The following ROBO2 variants were observed in gnomAD, a reference collection of about 807,000 sequenced individuals.
The protein encoded by ROBO2 is roundabout guidance receptor 2.
A neutral mutation model predicts 160.8 loss-of-function variants in ROBO2; 53 were observed. That is an observed-to-expected ratio of 0.33 (90% confidence interval 0.26 to 0.41). The LOEUF (loss-of-function observed/expected upper bound fraction) is 0.41. Ranked by LOEUF, ROBO2 falls within the 10% of genes least tolerant of loss-of-function variation. The probability of loss-of-function intolerance (pLI) is 1.00; values close to 1 mark genes in which losing one functional copy is unlikely to be tolerated. For synonymous variants in ROBO2, 664 were observed against 611.7 expected, an observed-to-expected ratio of 1.09 and a Z score of -1.26; for missense variants, 1,577 against 1,722.4, an observed-to-expected ratio of 0.92 and a Z score of 1.49.
intron 1 of ROBO2, among the ~76,000 whole-genome samples, chr3:75,923,139 GT>G (rs961372978): frequency 3.3e-5 from 5 of 151,850 alleles, no homozygotes; most frequent in Non-Finnish European, 4.4e-5. Flanking sequence ...ATAGAGGAAG[GT>G]TTTTTTTTAA....
intron 1 of ROBO2, among the ~76,000 whole-genome samples, chr3:77,082,593 C>T (rs2068781433): frequency 6.6e-6 from 1 of 151,180 alleles, no homozygotes; most frequent in Non-Finnish European, 1.5e-5. Context: ...TGAAACATAT[C>T]AAAAGATATA....
intron 2 of ROBO2, among the ~76,000 whole-genome samples, chr3:76,510,720 C>T (rs1046493497): frequency 3.3e-5 from 5 of 151,510 alleles, no homozygotes; most frequent in Non-Finnish European, 7.4e-5. Context: ...AAGACTCTGT[C>T]TCAAAAAAAT....
In ROBO2 at chr3:77,380,892, C is replaced by T. The variant is rs576146802; in HGVS notation, c.389-96522C>T. Among the ~76,000 whole-genome samples, 181 of 152,238 alleles carry T rather than the reference C, an allele frequency of 1.2e-3. 1 individual carries two copies. The highest frequency in any genetic ancestry group is 4.3e-3 in the African/African-American group (177 of 41,540). On this transcript the variant is annotated intron_variant, in intron 2 of 25. Transcript: ENST00000461745. ...CACTTCCTGCAGCCTCACCCCACCCCCAAACTCAAAGAGAGTAAAATCACA... is the reference window on the plus strand; with the variant it reads ...CACTTCCTGCAGCCTCACCCCACCCTCAAACTCAAAGAGAGTAAAATCACA...
intron 2 of ROBO2, among the ~76,000 whole-genome samples, chr3:76,650,666 A>G (rs565856712): frequency 4.7e-4 from 71 of 152,052 alleles, no homozygotes; most frequent in Middle Eastern, 6.8e-3. Context: ...CATAAATTCT[A>G]TTTTTACCAC....
intron 2 of ROBO2, among the ~76,000 whole-genome samples, chr3:76,818,118 C>T (rs758511090): frequency 1.4e-4 from 22 of 151,956 alleles, no homozygotes; most frequent in African/African-American, 4.1e-4. Flanking sequence ...TTTCTACCAG[C>T]GGTGTAAAAG....
chr3:76,345,445 T>C (rs1014573295), intron 2 of ROBO2, among the ~76,000 whole-genome samples: 37 of 148,482 alleles, frequency 2.5e-4, no homozygotes, highest in African/African-American at 7.6e-4. Flanking sequence ...TTCTTTCTTT[T>C]TTTTTTTTTT....
At chr3:76,804,395 G>A (rs1480424600) in intron 2 of ROBO2, among the ~76,000 whole-genome samples, 2 of 152,186 alleles carry the variant, frequency 1.3e-5, no homozygotes, top group African/African-American at 4.8e-5. Flanking sequence ...GAAGGAGTGT[G>A]ATTCGTAGCA....
intron 2 of ROBO2, among the ~76,000 whole-genome samples, chr3:75,993,443 A>G (rs978143953): frequency 1.3e-5 from 2 of 152,130 alleles, no homozygotes; most frequent in African/African-American, 4.8e-5. Flanking sequence ...TCTGCCATGA[A>G]TGTGAGGCCT....
chr3:77,249,954 A>G (rs1298699301), intron 2 of ROBO2, among the ~76,000 whole-genome samples: 3 of 151,818 alleles, frequency 2.0e-5, no homozygotes, highest in Non-Finnish European at 4.4e-5. Flanking sequence ...AGAACTCTGC[A>G]TTTAAGGAAG....
chr3:75,909,281 AAG>A (rs1946468503), intron 1 of ROBO2, among the ~76,000 whole-genome samples: 1 of 152,144 alleles, frequency 6.6e-6, no homozygotes, highest in Non-Finnish European at 1.5e-5. Context: ...ATAAATTTCA[AAG>A]AGAGTTTGTG....
At chr3:76,434,615 G>C in intron 2 of ROBO2, 1 of 1,498,374 alleles carries the variant, frequency 6.7e-7, no homozygotes, top group Non-Finnish European at 9.3e-7. Flanking sequence ...TGGACTGCCT[G>C]GAGCAAAACG....
chr3:77,254,656 CT>C (rs2090740368), intron 2 of ROBO2, among the ~76,000 whole-genome samples: 1 of 152,064 alleles, frequency 6.6e-6, no homozygotes, highest in Admixed American at 6.6e-5. Context: ...TCTTAATAAT[CT>C]TTAGTTTGTT....
At chr3:76,109,615 C>G (rs2070125269) in intron 2 of ROBO2, among the ~76,000 whole-genome samples, 1 of 152,040 alleles carries the variant, frequency 6.6e-6, no homozygotes, top group Non-Finnish European at 1.5e-5. Context: ...GCTCTTTACT[C>G]TGGTGCTGTT....
intron 2 of ROBO2, among the ~76,000 whole-genome samples, chr3:77,103,407 C>CTTTTTTTT (rs11409908): frequency 2.7e-5 from 4 of 146,648 alleles, no homozygotes; most frequent in African/African-American, 2.5e-5. Flanking sequence ...AGAAACCAAT[C>CTTTTTTTT]TTTTTTTTTT....
chr3:77,420,283 T>C (rs2077598528), intron 2 of ROBO2, among the ~76,000 whole-genome samples: 1 of 151,908 alleles, frequency 6.6e-6, no homozygotes, highest in Admixed American at 6.6e-5. Context: ...CAAATAAATA[T>C]GTTTGGAAAA....
chr3:77,092,844 G>T (rs148405347), intron 1 of ROBO2, among the ~76,000 whole-genome samples: 3 of 150,416 alleles, frequency 2.0e-5, no homozygotes, highest in African/African-American at 7.3e-5. Flanking sequence ...TAACATTGCT[G>T]TCAAACTAAT....
At chr3:76,794,026 T>A (rs2063533030) in intron 2 of ROBO2, among the ~76,000 whole-genome samples, 3 of 151,958 alleles carry the variant, frequency 2.0e-5, no homozygotes, top group Non-Finnish European at 4.4e-5. Flanking sequence ...GGTTCCACCT[T>A]TCCCTGGAAT....
In ROBO2 at chr3:76,991,146, G is replaced by T. The variant is rs892551818; in HGVS notation, c.110-106868G>T. Among the ~76,000 whole-genome samples, 4 of 152,078 alleles carry T rather than the reference G, an allele frequency of 2.6e-5. No homozygotes were observed. In the South Asian group the frequency reaches 6.2e-4, roughly 24 times the overall value. ...CACGACGGCTCTAAAACTTGACCTG[G>T]TCTCTTCTGCCTTATGCTGCTCAGT... On this transcript the variant is annotated intron_variant, in intron 2 of 26. Transcript: ENST00000487694.
chr3:76,221,560 A>G (rs1007242702), intron 2 of ROBO2, among the ~76,000 whole-genome samples: 9 of 152,200 alleles, frequency 5.9e-5, no homozygotes, highest in Non-Finnish European at 1.0e-4. Context: ...TGAAACTACT[A>G]TATGTTGGAA....
Sources: gnomAD v4.1 joint callset for allele counts (sites outside exome capture counted in the v4.1 genomes callset) on GRCh38, gnomAD v4.1.1 for gene constraint, MANE v1.5 for transcripts, NCBI Gene and HGNC (gene_info 2026-07-23, HGNC 2026-07-21) for gene names.